The following MARK3 variants were observed in gnomAD, a reference collection of about 807,000 sequenced individuals.
The protein encoded by MARK3 is MAP/microtubule affinity-regulating kinase 3.
A neutral mutation model predicts 90.1 loss-of-function variants in MARK3; 46 were observed. The observed-to-expected ratio is 0.51, with a 90% confidence interval of 0.40 to 0.65. The LOEUF is 0.65. Ranked by LOEUF, MARK3 falls within the 30% of genes least tolerant of loss-of-function variation. MARK3 has a pLI of 0.00. For missense variants in MARK3, 818 were observed against 947.2 expected (o/e 0.86, Z 1.79); for synonymous variants, 321 against 332.6 (o/e 0.97, Z 0.38).
At chr14:103,470,478 G>T (rs2141668031) in intron 12 of MARK3, among the ~76,000 whole-genome samples, 1 of 3,254 alleles carries the variant, frequency 3.1e-4, no homozygotes, top group South Asian at 0.012. Flanking sequence ...TTTTTGAGAT[G>T]GAGTTTCACT....
chr14:103,444,853 C>G (rs1303290715), intron 3 of MARK3, among the ~76,000 whole-genome samples: 1 of 151,998 alleles, frequency 6.6e-6, no homozygotes, highest in African/African-American at 2.4e-5. Flanking sequence ...TAAAATTTTT[C>G]TGGTATAGTC....
At chr14:103,494,325 G>T (rs948421884) in intron 15 of MARK3, among the ~76,000 whole-genome samples, 4 of 151,278 alleles carry the variant, frequency 2.6e-5, no homozygotes, top group South Asian at 2.1e-4. Context: ...GCCGAGGCAG[G>T]TGGATCACCT....
At chr14:103,423,200 C>CTGTTTTTTTTTTTT (rs576636723) in intron 2 of MARK3, among the ~76,000 whole-genome samples, 1 of 94,720 alleles carries the variant, frequency 1.1e-5, no homozygotes, top group Non-Finnish European at 1.9e-5. Context: ...GACTTGCAGT[C>CTGTTTTTTTTTTTT]TTTTTTTTTT....
chr14:103,431,796 A>G (rs1006144974), intron 3 of MARK3, among the ~76,000 whole-genome samples: 3 of 151,956 alleles, frequency 2.0e-5, no homozygotes, highest in African/African-American at 7.3e-5. Flanking sequence ...CTTCTACAAC[A>G]CTGTTTACCA....
chr14:103,486,904 GTTTATTTA>G (rs5811110), intron 14 of MARK3, among the ~76,000 whole-genome samples: 16 of 144,938 alleles, frequency 1.1e-4, no homozygotes, highest in East Asian at 1.0e-3. Context: ...ATGTCAAAAA[GTTTATTTA>G]TTTATTTATT....
intron 7 of MARK3, among the ~76,000 whole-genome samples, chr14:103,463,176 C>T (rs2093435072): frequency 6.6e-6 from 1 of 151,718 alleles, no homozygotes. Context: ...AAAAGCCATG[C>T]CTGTTCCTCT....
Position 103,385,973 on chromosome 14 carries a change from T to C in MARK3, c.-57T>C. 6.8e-7 allele frequency: 1 copy of C among 1,459,986 alleles called. No homozygotes were observed. The highest frequency in any genetic ancestry group is 9.6e-7 in the Non-Finnish European group (1 of 1,039,596). 90.4% of individuals were successfully genotyped at this position (1,459,986 alleles called of 1,614,324 possible). A position where few individuals can be genotyped will look rare whatever the true frequency, so the allele number is the denominator to read the frequency against. On this transcript the variant is annotated 5_prime_UTR_variant, in exon 1 of 18. Transcript: ENST00000429436. The stretch of plus-strand genomic sequence containing the variant: ...TCGAGGACGCTGGTCGCCGGCCTCC[T>C]AGGGCTGTGCTGTTTTGTTTTGACC...
At chr14:103,386,659 CT>C (rs1289311601) in intron 1 of MARK3, among the ~76,000 whole-genome samples, 3 of 152,268 alleles carry the variant, frequency 2.0e-5, no homozygotes, top group Non-Finnish European at 4.4e-5. Context: ...AGGCAGTTTC[CT>C]TTCCATACAA....
chr14:103,425,298 C>T (rs1255706318), intron 2 of MARK3, among the ~76,000 whole-genome samples: 3 of 150,010 alleles, frequency 2.0e-5, no homozygotes, highest in Non-Finnish European at 4.4e-5. Context: ...CTCATTTTCT[C>T]GCCCAGGCTG....
intron 2 of MARK3, among the ~76,000 whole-genome samples, chr14:103,423,680 G>A (rs2092305209): frequency 6.6e-6 from 1 of 152,198 alleles, no homozygotes; most frequent in African/African-American, 2.4e-5. Context: ...TGATTTTGGT[G>A]GAGTCATCCC....
intron 2 of MARK3, among the ~76,000 whole-genome samples, chr14:103,406,707 A>G (rs1405947455): frequency 7.1e-6 from 1 of 140,344 alleles, no homozygotes; most frequent in African/African-American, 2.7e-5. Context: ...GGTTCAAGCC[A>G]TTCTCCTGCC....
intron 13 of MARK3, among the ~76,000 whole-genome samples, chr14:103,476,722 A>G (rs1566914536): frequency 6.6e-6 from 1 of 152,186 alleles, no homozygotes; most frequent in Non-Finnish European, 1.5e-5. Flanking sequence ...GGCTGTGGAG[A>G]AACCCTGTTG....
At chr14:103,400,984 T>TGC (rs1555371061) in intron 1 of MARK3, among the ~76,000 whole-genome samples, 2 of 141,442 alleles carry the variant, frequency 1.4e-5, no homozygotes, top group Admixed American at 6.9e-5. Context: ...TGTGTGTGTA[T>TGC]GCAGGTTGTT....
At chr14:103,399,592 G>C (rs923434726) in intron 1 of MARK3, among the ~76,000 whole-genome samples, 3 of 151,608 alleles carry the variant, frequency 2.0e-5, no homozygotes, top group African/African-American at 7.3e-5. Flanking sequence ...CCAGCTACTC[G>C]GGAGGCTGAG....
rs34768749 is a variant in MARK3 at position 103,479,628 on chromosome 14, C to CTTTTTTTTTTTTTTTTTTTTTTTTTTT, written c.1483-738_1483-737insTTTTTTTTTTTTTTTTTTTTTTTTTTT. ...ATGTGTTTCTTGGCCATACGTATAG[C>CTTTTTTTTTTTTTTTTTTTTTTTTTTT]TTTTTTTTTTTTTTTTTTTTTGAGA... is the stretch of plus-strand genomic sequence containing the variant. On this transcript the variant is annotated intron_variant, in intron 13 of 17. Coordinates refer to ENST00000429436, the MANE Select transcript of MARK3 (RefSeq NM_001128918.3). Among the ~76,000 whole-genome samples, 2 of 78,238 alleles carry CTTTTTTTTTTTTTTTTTTTTTTTTTTT rather than the reference C, an allele frequency of 2.6e-5. 1 individual carries two copies. 51.3% of individuals were successfully genotyped at this position (78,238 alleles called of 152,430 possible).
intron 3 of MARK3, among the ~76,000 whole-genome samples, chr14:103,439,338 A>G (rs2092793132): frequency 6.6e-6 from 1 of 152,290 alleles, no homozygotes; most frequent in Non-Finnish European, 1.5e-5. Flanking sequence ...TTGTCCGTGT[A>G]ATTTTACCAC....
intron 2 of MARK3, among the ~76,000 whole-genome samples, chr14:103,418,810 T>C (rs972053111): frequency 6.6e-6 from 1 of 152,264 alleles, no homozygotes; most frequent in Non-Finnish European, 1.5e-5. Flanking sequence ...ATTTTCCATA[T>C]ACATGTTTTT....
intron 12 of MARK3, among the ~76,000 whole-genome samples, chr14:103,472,072 G>A (rs1268187079): frequency 6.6e-6 from 1 of 151,616 alleles, no homozygotes; most frequent in African/African-American, 2.4e-5. Flanking sequence ...TTAGCCAGGC[G>A]TGGTGGTGGG....
chr14:103,502,318 A>C (rs2075713596), intron 17 of MARK3, among the ~76,000 whole-genome samples: 1 of 152,272 alleles, frequency 6.6e-6, no homozygotes, highest in African/African-American at 2.4e-5. Context: ...TGGACGTTTA[A>C]TTAACAAACC....
Sources: gnomAD v4.1 joint callset for allele counts (sites outside exome capture counted in the v4.1 genomes callset) on GRCh38, gnomAD v4.1.1 for gene constraint, MANE v1.5 for transcripts, NCBI Gene and HGNC (gene_info 2026-07-23, HGNC 2026-07-21) for gene names.